RUNDC3B: variants seen among roughly 807,000 people sequenced by gnomAD.
RUNDC3B encodes the protein RUN domain containing 3B.
RUNDC3B carries 33 observed loss-of-function variants against 58.4 expected under a neutral mutation model. The observed-to-expected ratio is 0.56, with a 90% CI of 0.43 to 0.75. The LOEUF is 0.75. Ranked by LOEUF, RUNDC3B falls within the 30% of genes least tolerant of loss-of-function variation. RUNDC3B has a pLI of 0.00. For missense variants in RUNDC3B, 501 were observed against 535.7 expected (o/e 0.94, Z 0.64); for synonymous variants, 193 against 195.2 (o/e 0.99, Z 0.10).
intron 1 of RUNDC3B, among the ~76,000 whole-genome samples, chr7:87,639,340 A>T (rs1021991957): frequency 3.3e-5 from 5 of 152,186 alleles, no homozygotes; most frequent in Admixed American, 2.6e-4. Context: ...ACATATATTT[A>T]ATATGCATTT....
chr7:87,780,562 T>C (rs1834869943), intron 8 of RUNDC3B, among the ~76,000 whole-genome samples: 1 of 152,228 alleles, frequency 6.6e-6, no homozygotes, highest in Admixed American at 6.5e-5. Context: ...GTCTGTTTAC[T>C]CTGTTGATAG....
rs576889860 is a variant in RUNDC3B, at chr7:87,638,061, AT to A, written c.122+9124del. Among the ~76,000 whole-genome samples, 243 of 151,842 alleles carry A rather than the reference AT, an allele frequency of 1.6e-3. 1 individual carries two copies. Among genetic ancestry groups the A allele is most frequent in the Non-Finnish European group, 2.5e-3 (167 of 67,886 alleles). ...TGGATGCTTATTATTGTATTATTAAATTTTTTTTGTCTTTCAAGTAAACGTG... is the reference window on the plus strand; with the variant it reads ...TGGATGCTTATTATTGTATTATTAAATTTTTTTGTCTTTCAAGTAAACGTG... On this transcript the variant is annotated intron_variant, in intron 1 of 10. Coordinates refer to ENST00000394654, the MANE Select transcript of RUNDC3B (RefSeq NM_001134405.2).
At chr7:87,707,919 T>C (rs144043983) in intron 3 of RUNDC3B, among the ~76,000 whole-genome samples, 5 of 152,134 alleles carry the variant, frequency 3.3e-5, no homozygotes, top group African/African-American at 9.6e-5. Context: ...GGAGAACTTC[T>C]AAATAACCCA....
intron 2 of RUNDC3B, among the ~76,000 whole-genome samples, chr7:87,657,626 G>A (rs1409644642): frequency 1.3e-5 from 2 of 152,064 alleles, no homozygotes; most frequent in African/African-American, 2.4e-5. Flanking sequence ...ACACTGTGGA[G>A]CCTAGGCTGC....
chr7:87,806,494 AC>A (rs1836440879), intron 8 of RUNDC3B, among the ~76,000 whole-genome samples: 1 of 152,174 alleles, frequency 6.6e-6, no homozygotes, highest in African/African-American at 2.4e-5. Flanking sequence ...GATGCAGGTT[AC>A]CTAAATGGTA....
intron 7 of RUNDC3B, among the ~76,000 whole-genome samples, chr7:87,777,581 G>T (rs1834702919): frequency 6.6e-6 from 1 of 152,134 alleles, no homozygotes; most frequent in Admixed American, 6.5e-5. Context: ...TCAAATTACA[G>T]TTTCTCAAAC....
intron 7 of RUNDC3B, among the ~76,000 whole-genome samples, chr7:87,772,349 C>T (rs1748265320): frequency 1.3e-5 from 2 of 151,676 alleles, no homozygotes; most frequent in Non-Finnish European, 2.9e-5. Flanking sequence ...AACTAAAACA[C>T]TGACTAAAAA....
chr7:87,698,617 A>G (rs993667729), intron 2 of RUNDC3B, among the ~76,000 whole-genome samples: 4 of 152,204 alleles, frequency 2.6e-5, no homozygotes, highest in African/African-American at 9.7e-5. Context: ...ATTTAAGATT[A>G]TCTGTGTTGT....
intron 2 of RUNDC3B, among the ~76,000 whole-genome samples, chr7:87,661,967 T>A (rs1824756705): frequency 1.3e-5 from 2 of 152,128 alleles, no homozygotes; most frequent in African/African-American, 2.4e-5. Context: ...AAATAATATA[T>A]CATTGTACTT....
rs578144396 is a variant in RUNDC3B at position 87,766,710 on chromosome 7, T to C, written c.630-3871T>C. 7.2e-5 allele frequency among the ~76,000 whole-genome samples: 11 copies of C among 152,224 alleles called. No homozygotes were observed. In the East Asian group the frequency reaches 2.1e-3, roughly 29 times the overall value. ...ACGTTGACCTTGGATAGTCTGATGA[T>C]CATATGCCTTGGTGGTGTTGATTTT... On this transcript the variant is annotated intron_variant, in intron 6 of 10. Coordinates refer to ENST00000394654, the MANE Select transcript of RUNDC3B (RefSeq NM_001134405.2).
chr7:87,795,715 TAAAAATACAAAAA>T (rs1414118883), intron 8 of RUNDC3B, among the ~76,000 whole-genome samples: 1 of 105,126 alleles, frequency 9.5e-6, no homozygotes, highest in Non-Finnish European at 2.0e-5. Context: ...CCGTCTCTAC[TAAAAATACAAAAA>T]AAAAAAAAAA....
Position 87,678,373 on chromosome 7 carries a change from T to C in RUNDC3B, c.239-22048T>C, listed in dbSNP as rs1163418031. Among the ~76,000 whole-genome samples the C allele has an allele frequency of 2.0e-5, 3 of 152,250 alleles. No individual in the cohort carries two copies. The East Asian group carries it at 5.8e-4, about 29-fold the overall frequency. On this transcript the variant is annotated intron_variant, in intron 2 of 10. Transcript: ENST00000394654. ...CAGAGTAAAGGGAACTATGTGGTTA[T>C]ATATATTTAGTTGAAATGCTAAAAT...
At chr7:87,744,715 C>T (rs945725732) in intron 6 of RUNDC3B, among the ~76,000 whole-genome samples, 1 of 152,140 alleles carries the variant, frequency 6.6e-6, no homozygotes, top group Non-Finnish European at 1.5e-5. Context: ...TAGGAACTTT[C>T]TGGAGGAGTC....
Position 87,829,887 on chromosome 7 carries a change from A to G in RUNDC3B, c.1228A>G (p.Lys410Glu). Residue 410 changes from lysine to glutamate, a missense_variant and splice_region_variant, in exon 11 of 11, where the codon AAG (lysine) becomes GAG (glutamate). Coordinates refer to ENST00000394654, the MANE Select transcript of RUNDC3B (RefSeq NM_001134405.2). ...QDTLNVMSEG[K>E]EDTPSLLGLC... The stretch of plus-strand genomic sequence containing the variant: ...TGCTATTTAATTCTAATTTTCAGGT[A>G]AGGAAGATACTCCCTCATTACTTGG... 6.3e-7 allele frequency: 1 copy of G among 1,594,366 alleles called. No individual in the cohort carries two copies. The highest frequency in any genetic ancestry group is 8.6e-7 in the Non-Finnish European group (1 of 1,169,568).
At position 87,678,195 on chromosome 7, in the gene RUNDC3B, C is replaced by G. The variant is rs188173794; in HGVS notation, c.239-22226C>G. Among the ~76,000 whole-genome samples the G allele has an allele frequency of 6.6e-5, 10 of 152,282 alleles. No individual in the cohort carries two copies. In the East Asian group the frequency reaches 1.9e-3, roughly 29 times the overall value. On this transcript the variant is annotated intron_variant, in intron 2 of 10. Transcript: ENST00000394654. The stretch of plus-strand genomic sequence containing the variant: ...CTTTCAATATGACTACTCAAGCAAT[C>G]CTCCCATTTCAGCCTCTCAAAGTTC...
intron 6 of RUNDC3B, among the ~76,000 whole-genome samples, chr7:87,752,579 C>A (rs1320145080): frequency 4.6e-5 from 7 of 152,118 alleles, no homozygotes; most frequent in Admixed American, 2.0e-4. Flanking sequence ...TTCAGAGATT[C>A]AACTTCTTCC....
intron 2 of RUNDC3B, among the ~76,000 whole-genome samples, chr7:87,668,262 G>A (rs1181740880): frequency 1.3e-5 from 2 of 152,018 alleles, no homozygotes; most frequent in African/African-American, 4.8e-5. Flanking sequence ...AGGTTTTCTA[G>A]TTTGTGTATG....
intron 6 of RUNDC3B, among the ~76,000 whole-genome samples, chr7:87,761,976 G>A (rs997020317): frequency 1.3e-5 from 2 of 151,590 alleles, no homozygotes; most frequent in Non-Finnish European, 3.0e-5. Flanking sequence ...ATAATTCTAG[G>A]CATTCTTGTT....
chr7:87,756,065 G>A (rs947028732), intron 6 of RUNDC3B, among the ~76,000 whole-genome samples: 3 of 152,012 alleles, frequency 2.0e-5, no homozygotes, highest in African/African-American at 7.2e-5. Context: ...GCAGGGCAGG[G>A]CAGGATTATA....
Sources: allele counts gnomAD v4.1 joint callset (sites outside exome capture counted in the v4.1 genomes callset), GRCh38; gene constraint gnomAD v4.1.1; transcripts MANE v1.5; gene names NCBI Gene and HGNC (gene_info 2026-07-23, HGNC 2026-07-21).